The following UNC13C variants were observed in gnomAD, a reference collection of about 807,000 sequenced individuals.
UNC13C encodes protein unc-13 homolog C.
UNC13C carries 174 observed loss-of-function variants against 245.4 expected under a neutral mutation model. The observed-to-expected ratio is 0.71, with a 90% CI of 0.63 to 0.80. UNC13C has a LOEUF of 0.80. Ranked by LOEUF, UNC13C falls within the 30% of genes least tolerant of loss-of-function variation. The probability of loss-of-function intolerance (pLI) is 0.00; values close to 1 mark genes in which losing one functional copy is unlikely to be tolerated. For missense variants in UNC13C, 2,829 were observed against 2,602.9 expected, an observed-to-expected ratio of 1.09 and a Z score of -1.89; for synonymous variants, 992 against 895.1, an observed-to-expected ratio of 1.11 and a Z score of -1.93.
chr15:54,091,547 G>A (rs376266023), intron 2 of UNC13C, among the ~76,000 whole-genome samples: 1 of 151,892 alleles, frequency 6.6e-6, no homozygotes, highest in Non-Finnish European at 1.5e-5. Context: ...TTCCATCTTT[G>A]TAAATTTTTA....
chr15:54,607,074 T>G (rs1055048887), intron 30 of UNC13C, among the ~76,000 whole-genome samples: 1 of 152,210 alleles, frequency 6.6e-6, no homozygotes, highest in Non-Finnish European at 1.5e-5. Context: ...AAATCTTAAA[T>G]TTAGTTTTTT....
At chr15:54,427,558 C>T (rs2040784349) in intron 19 of UNC13C, among the ~76,000 whole-genome samples, 1 of 151,694 alleles carries the variant, frequency 6.6e-6, no homozygotes, top group African/African-American at 2.4e-5. Context: ...ATACAAAGCA[C>T]AAAGAACTTC....
intron 2 of UNC13C, among the ~76,000 whole-genome samples, chr15:54,059,070 CT>C (rs1227582248): frequency 1.3e-5 from 2 of 152,122 alleles, no homozygotes; most frequent in Admixed American, 6.6e-5. Flanking sequence ...GATGCCCTCT[CT>C]TTACCCCTCC....
chr15:54,520,983 A>T (rs552807875), intron 24 of UNC13C, among the ~76,000 whole-genome samples: 3 of 152,186 alleles, frequency 2.0e-5, no homozygotes, highest in Non-Finnish European at 4.4e-5. Context: ...GTTTATTTTA[A>T]CATAAATGTT....
chr15:54,436,360 T>C (rs1567270362), intron 19 of UNC13C, among the ~76,000 whole-genome samples: 2 of 151,904 alleles, frequency 1.3e-5, no homozygotes, highest in Non-Finnish European at 2.9e-5. Context: ...CACATGCACA[T>C]GTATGTTTAT....
chr15:54,228,594 C>A (rs1472968314), intron 4 of UNC13C, among the ~76,000 whole-genome samples: 1 of 152,166 alleles, frequency 6.6e-6, no homozygotes, highest in Non-Finnish European at 1.5e-5. Flanking sequence ...GGACTGGATT[C>A]TTCCCTTCAA....
At chr15:54,246,258 T>A (rs549551326) in intron 7 of UNC13C, among the ~76,000 whole-genome samples, 2 of 152,274 alleles carry the variant, frequency 1.3e-5, no homozygotes, top group East Asian at 3.9e-4. Flanking sequence ...GGTGTGAGCA[T>A]CCTCCCCAGT....
At chr15:54,339,660 T>C (rs948728089) in intron 17 of UNC13C, among the ~76,000 whole-genome samples, 7 of 151,630 alleles carry the variant, frequency 4.6e-5, no homozygotes, top group African/African-American at 1.7e-4. Flanking sequence ...TATATATATA[T>C]ATATCACAGT....
At chr15:54,467,010 C>T (rs967281751) in intron 19 of UNC13C, among the ~76,000 whole-genome samples, 1 of 151,788 alleles carries the variant, frequency 6.6e-6, no homozygotes, top group Non-Finnish European at 1.5e-5. Flanking sequence ...TAGTTCCAAA[C>T]CTGACTGTGC....
intron 13 of UNC13C, among the ~76,000 whole-genome samples, chr15:54,319,815 T>A (rs2140976485): frequency 6.6e-6 from 1 of 152,120 alleles, no homozygotes; most frequent in Non-Finnish European, 1.5e-5. Context: ...GTATATTTTA[T>A]CTTTCACTTT....
chr15:54,346,785 T>C (rs2038868720), intron 17 of UNC13C, among the ~76,000 whole-genome samples: 1 of 152,036 alleles, frequency 6.6e-6, no homozygotes, highest in African/African-American at 2.4e-5. Context: ...TAGACAGAGG[T>C]CACTGGACTC....
At chr15:54,522,370 C>T (rs1463331100) in intron 24 of UNC13C, among the ~76,000 whole-genome samples, 1 of 151,464 alleles carries the variant, frequency 6.6e-6, no homozygotes, top group African/African-American at 2.4e-5. Flanking sequence ...CCCAGCTACT[C>T]TGGAGGGTGA....
chr15:53,883,466 T>C, the UNC13C span, among the ~76,000 whole-genome samples: 3 of 152,200 alleles, frequency 2.0e-5, no homozygotes, highest in South Asian at 2.1e-4. Context: ...TCTTTTGGCA[T>C]GGGGTTCAAG....
chr15:54,107,380 T>C (rs1231188374), intron 2 of UNC13C, among the ~76,000 whole-genome samples: 1 of 152,200 alleles, frequency 6.6e-6, no homozygotes, highest in Non-Finnish European at 1.5e-5. Flanking sequence ...AAAGCATTTA[T>C]AAGCCAGTGT....
At chr15:54,612,855 C>A (rs1034945070) in intron 30 of UNC13C, among the ~76,000 whole-genome samples, 1 of 151,872 alleles carries the variant, frequency 6.6e-6, no homozygotes, top group East Asian at 1.9e-4. Context: ...TGAAACCAAT[C>A]TTTTCTTGTT....
At chr15:54,613,343 AAATTGTGTTGCTAT>A (rs1900227128) in intron 30 of UNC13C, among the ~76,000 whole-genome samples, 1 of 151,928 alleles carries the variant, frequency 6.6e-6, no homozygotes, top group Non-Finnish European at 1.5e-5. Context: ...ATGTCTATTA[AAATTGTGTTGCTAT>A]TATTTACTAA....
At chr15:54,597,386 G>C (rs377365958) in intron 30 of UNC13C, among the ~76,000 whole-genome samples, 5 of 152,108 alleles carry the variant, frequency 3.3e-5, no homozygotes, top group Non-Finnish European at 7.4e-5. Flanking sequence ...TGGAATCCAG[G>C]GTCCTCTGGT....
At position 54,477,114 on chromosome 15, in the gene UNC13C, G is replaced by A. The variant is rs1432499025; in HGVS notation, c.4934-17494G>A. On this transcript the variant is annotated intron_variant, in intron 19 of 32. Coordinates refer to ENST00000260323, the MANE Select transcript of UNC13C (RefSeq NM_001080534.3). ...TCATGATTTGGCTCTCTGTTTGTCTGTTGTTGGTGTATAAGAATGCTTGTG... is the reference window on the plus strand; with the variant it reads ...TCATGATTTGGCTCTCTGTTTGTCTATTGTTGGTGTATAAGAATGCTTGTG... 5.4e-3 allele frequency among the ~76,000 whole-genome samples: 517 copies of A among 96,442 alleles called. 22 individuals carry two copies. Among genetic ancestry groups the A allele is most frequent in the African/African-American group, 0.02 (480 of 24,608 alleles). 63.3% of individuals were successfully genotyped at this position (96,442 alleles called of 152,430 possible).
intron 18 of UNC13C, among the ~76,000 whole-genome samples, chr15:54,403,029 A>G (rs1340809657): frequency 6.6e-6 from 1 of 152,194 alleles, no homozygotes; most frequent in Admixed American, 6.5e-5. Context: ...GGTAATCTCC[A>G]TCTCTGCTCT....
Sources: gnomAD v4.1 joint callset for allele counts (sites outside exome capture counted in the v4.1 genomes callset) on GRCh38, gnomAD v4.1.1 for gene constraint, MANE v1.5 for transcripts, NCBI Gene and HGNC (gene_info 2026-07-23, HGNC 2026-07-21) for gene names.